The following PTPN2 variants were observed in gnomAD, a reference collection of about 807,000 sequenced individuals.
PTPN2 encodes the protein protein tyrosine phosphatase non-receptor type 2, also known as tyrosine-protein phosphatase non-receptor type 2.
In PTPN2, 19 loss-of-function variants were observed where a neutral mutation model predicts 57.3. The observed-to-expected ratio is 0.33, with a 90% CI of 0.23 to 0.49. The LOEUF (loss-of-function observed/expected upper bound fraction) is 0.49. Ranked by LOEUF, PTPN2 falls within the 20% of genes least tolerant of loss-of-function variation. PTPN2 has a pLI of 0.99. For synonymous variants in PTPN2, 153 were observed against 164.9 expected (o/e 0.93, Z 0.55); for missense variants, 358 against 501.1 (o/e 0.71, Z 2.73).
intron 8 of PTPN2, among the ~76,000 whole-genome samples, chr18:12,797,526 A>G (rs2041239310): frequency 6.6e-6 from 1 of 152,080 alleles, no homozygotes; most frequent in African/African-American, 2.4e-5. Context: ...TGCTTTCCAA[A>G]AGTGCACTAT....
At chr18:12,785,519 A>C (rs2040826628) in exon 10 of PTPN2, 1 of 430,684 alleles carries the variant, frequency 2.3e-6, no homozygotes, top group African/African-American at 2.1e-5. Flanking sequence ...AAAAGTATAA[A>C]AATACAGTAG....
chr18:12,819,470 T>C (rs922945792), intron 5 of PTPN2, among the ~76,000 whole-genome samples: 1 of 151,994 alleles, frequency 6.6e-6, no homozygotes, highest in Non-Finnish European at 1.5e-5. Context: ...AGATTACTGG[T>C]TTCTGGCTGG....
chr18:12,829,842 T>TAAAAAGAAC (rs1024808161), intron 4 of PTPN2, among the ~76,000 whole-genome samples: 14 of 152,218 alleles, frequency 9.2e-5, no homozygotes, highest in African/African-American at 3.4e-4. Flanking sequence ...ATTAATGAAA[T>TAAAAAGAAC]AAAAAGAACA....
chr18:12,875,604 A>T (rs2044461628), intron 1 of PTPN2, among the ~76,000 whole-genome samples: 2 of 152,262 alleles, frequency 1.3e-5, no homozygotes, highest in South Asian at 4.1e-4. Flanking sequence ...TGGGGCATTA[A>T]GTTAAGGAAT....
At chr18:12,809,341 A>G (rs1893217) in intron 7 of PTPN2, among the ~76,000 whole-genome samples, 18,946 of 152,242 alleles carry the variant, frequency 0.12, 1,411 homozygotes, top group South Asian at 0.19. Context: ...CCTAGGGACA[A>G]AGGTAGAGGA....
At chr18:12,880,512 C>T (rs1241714262) in intron 1 of PTPN2, 2 of 152,292 alleles carry the variant, frequency 1.3e-5, no homozygotes, top group African/African-American at 4.8e-5. Context: ...TCCTGAACTC[C>T]AGGTATCTGT....
intron 1 of PTPN2, 86 bp downstream of exon 1, chr18:12,883,987 G>C (rs766336050): frequency 1.4e-5 from 17 of 1,228,692 alleles, no homozygotes; most frequent in Admixed American, 2.2e-5. Context: ...GGCGAGAGGC[G>C]GGGGAGGCGG....
At chr18:12,796,299 G>A (rs553462444) in intron 8 of PTPN2, among the ~76,000 whole-genome samples, 74 of 152,210 alleles carry the variant, frequency 4.9e-4, no homozygotes, top group Non-Finnish European at 8.1e-4. Flanking sequence ...AAATTAGATC[G>A]TGGTGCCAGC....
intron 7 of PTPN2, among the ~76,000 whole-genome samples, chr18:12,803,495 A>C (rs955221067): frequency 1.3e-5 from 2 of 152,218 alleles, no homozygotes; most frequent in African/African-American, 4.8e-5. Flanking sequence ...TGTTGCCTAC[A>C]AGACACTCAC....
chr18:12,856,482 A>C (rs1023377999), intron 2 of PTPN2, among the ~76,000 whole-genome samples: 7 of 152,202 alleles, frequency 4.6e-5, no homozygotes, highest in Non-Finnish European at 1.0e-4. Flanking sequence ...GCACAGCTCC[A>C]GAGGACAACC....
In PTPN2 at chr18:12,832,549, A is replaced by G. The variant is rs115975654; in HGVS notation, c.262-1508T>C. On this transcript the variant is annotated intron_variant, in intron 3 of 8. Coordinates refer to ENST00000309660, the MANE Select transcript of PTPN2 (RefSeq NM_002828.4). ...CTACTGAGGATCCTGACAAACTACA[A>G]CCTAATATTTGAGAGTGGCGTTTTC... Among the ~76,000 whole-genome samples the G allele has an allele frequency of 4.2e-3, 637 of 152,308 alleles. 2 individuals carry two copies. The highest frequency in any genetic ancestry group is 0.015 in the African/African-American group (610 of 41,562).
intron 2 of PTPN2, chr18:12,840,663 C>G: frequency 6.3e-7 from 1 of 1,578,954 alleles, no homozygotes; most frequent in Non-Finnish European, 8.6e-7. Context: ...ACAAGTGTAA[C>G]ACACTAGAGC....
chr18:12,884,030 T>G, intron 1 of PTPN2, 43 bp downstream of exon 1: 1 of 1,518,636 alleles, frequency 6.6e-7, no homozygotes, highest in Non-Finnish European at 8.9e-7. Context: ...CGAGTCCGGG[T>G]CTCGGAGGAG....
chr18:12,800,172 T>C (rs764892938), intron 8 of PTPN2, among the ~76,000 whole-genome samples: 10 of 152,198 alleles, frequency 6.6e-5, no homozygotes, highest in Admixed American at 1.3e-4. Flanking sequence ...CTTAGAGTTA[T>C]AGACTCTAGA....
chr18:12,822,706 G>A (rs2042312729), intron 5 of PTPN2, among the ~76,000 whole-genome samples: 1 of 152,144 alleles, frequency 6.6e-6, no homozygotes, highest in African/African-American at 2.4e-5. Flanking sequence ...TCTGCGTGTT[G>A]AGATTGGCTA....
intron 1 of PTPN2, among the ~76,000 whole-genome samples, chr18:12,860,503 A>G (rs1313700123): frequency 1.3e-5 from 2 of 152,180 alleles, no homozygotes; most frequent in African/African-American, 2.4e-5. Flanking sequence ...AGGCTGAGGC[A>G]GGAGAATCGC....
chr18:12,795,406 G>A (rs998814666), intron 8 of PTPN2, among the ~76,000 whole-genome samples: 1 of 152,138 alleles, frequency 6.6e-6, no homozygotes, highest in Admixed American at 6.5e-5. Context: ...CAATTCTTCT[G>A]CCTCAGCCTC....
At chr18:12,856,911 T>C (rs2043607487) in intron 2 of PTPN2, among the ~76,000 whole-genome samples, 1 of 151,458 alleles carries the variant, frequency 6.6e-6, no homozygotes, top group Non-Finnish European at 1.5e-5. Flanking sequence ...AATACAAAAA[T>C]AAGCCGGGCA....
chr18:12,874,178 G>A (rs1263450863), intron 1 of PTPN2, among the ~76,000 whole-genome samples: 6 of 149,320 alleles, frequency 4.0e-5, no homozygotes, highest in African/African-American at 9.9e-5. Flanking sequence ...CCCGCCAGGC[G>A]AGCCGCCCCA....
Sources: gnomAD v4.1 joint callset for allele counts (sites outside exome capture counted in the v4.1 genomes callset) on GRCh38, gnomAD v4.1.1 for gene constraint, MANE v1.5 for transcripts, NCBI Gene and HGNC (gene_info 2026-07-23, HGNC 2026-07-21) for gene names.